SNED1: variants seen among roughly 807,000 people sequenced by gnomAD.
The protein encoded by SNED1 is sushi, nidogen and EGF like domains 1.
Under a neutral mutation model 166.7 loss-of-function variants are expected in SNED1, and 81 were observed. The ratio of observed to expected loss-of-function variants is 0.49; its 90% confidence interval spans 0.41 to 0.58. The LOEUF is 0.58. Among genes scored for constraint, SNED1 ranks in the 20% least tolerant of loss-of-function variants. The probability of loss-of-function intolerance (pLI) is 0.00; values close to 1 mark genes in which losing one functional copy is unlikely to be tolerated. For missense variants in SNED1, 1,604 were observed against 2,000.2 expected (o/e 0.80, Z 3.78); for synonymous variants, 762 against 822.0 (o/e 0.93, Z 1.25).
chr2:241,090,428 T>C (rs780345364), intron 31 of SNED1: 22 of 1,547,228 alleles, frequency 1.4e-5, no homozygotes, highest in Non-Finnish European at 1.9e-5. Context: ...TAACTTTTTT[T>C]CATAAGTAGA....
chr2:241,025,374 C>G (rs1316024397), intron 1 of SNED1, among the ~76,000 whole-genome samples: 2 of 152,148 alleles, frequency 1.3e-5, no homozygotes, highest in Non-Finnish European at 2.9e-5. Flanking sequence ...GACCACTGCC[C>G]TAGACAACAC....
intron 1 of SNED1, chr2:241,015,783 T>C (rs2060564757): frequency 6.3e-6 from 1 of 158,002 alleles, no homozygotes; most frequent in Admixed American, 6.5e-5. Context: ...CTCCCGTGAA[T>C]CGTCTCATAG....
At chr2:241,012,825 C>CTTTTTTTTTT (rs59199140) in intron 1 of SNED1, among the ~76,000 whole-genome samples, 1 of 134,876 alleles carries the variant, frequency 7.4e-6, no homozygotes, top group Non-Finnish European at 1.6e-5. Context: ...TTTTTTTTTT[C>CTTTTTTTTTT]TTTTTTTTTT....
rs1365384114 is a variant in SNED1 at position 241,068,214 on chromosome 2, C to T, written c.3194+267C>T. ...AAGAGCAGGAAAAGCTCAGAAAATCCGGGGGCACACTTTCCACACAGATCA... is the reference window on the plus strand; with the variant it reads ...AAGAGCAGGAAAAGCTCAGAAAATCTGGGGGCACACTTTCCACACAGATCA... On this transcript the variant is annotated intron_variant, in intron 22 of 31. Coordinates refer to ENST00000310397, the MANE Select transcript of SNED1 (RefSeq NM_001080437.3). This position sits in a 1 kb window ranked among gnomAD's most constrained non-coding sequence, Gnocchi z 5.3. Among the ~76,000 whole-genome samples, 1 of 152,096 alleles carries T rather than the reference C, an allele frequency of 6.6e-6. No homozygotes were observed. Among genetic ancestry groups the T allele is most frequent in the African/African-American group, 2.4e-5 (1 of 41,418 alleles).
At chr2:241,082,597 C>T (rs1281166721) in intron 29 of SNED1, among the ~76,000 whole-genome samples, 2 of 152,338 alleles carry the variant, frequency 1.3e-5, no homozygotes, top group East Asian at 1.9e-4. Context: ...GAGAAGAACG[C>T]AGGCTCCTGG....
chr2:241,065,882 G>A (rs938563177), intron 21 of SNED1, among the ~76,000 whole-genome samples: 3 of 151,888 alleles, frequency 2.0e-5, no homozygotes, highest in African/African-American at 7.2e-5. Flanking sequence ...TGGGACTGGG[G>A]AGGAATGGGG....
At chr2:241,047,992 T>C (rs977570652) in intron 8 of SNED1, among the ~76,000 whole-genome samples, 5 of 150,668 alleles carry the variant, frequency 3.3e-5, no homozygotes, top group Middle Eastern at 3.5e-3. Context: ...TGGTGCTTCT[T>C]GTTCTGTCCA....
At chr2:241,084,010 C>CTGGT (rs1361442263) in intron 29 of SNED1, among the ~76,000 whole-genome samples, 1 of 151,842 alleles carries the variant, frequency 6.6e-6, no homozygotes, top group African/African-American at 2.4e-5. Context: ...TATGGGCTTA[C>CTGGT]TGGTTATACT....
At chr2:241,015,204 A>G (rs2060542378) in intron 1 of SNED1, among the ~76,000 whole-genome samples, 2 of 152,218 alleles carry the variant, frequency 1.3e-5, no homozygotes, top group Non-Finnish European at 2.9e-5. Context: ...AATGTGAGGA[A>G]AACTGATACC....
chr2:241,030,430 G>A lies in SNED1; in HGVS notation c.360G>A (p.Glu120=). 1 of 1,613,584 alleles carries A rather than the reference G, an allele frequency of 6.2e-7. No individual in the cohort carries two copies. The highest frequency in any genetic ancestry group is 8.5e-7 in the Non-Finnish European group (1 of 1,179,820). The change falls in exon 2 of 32, where the codon GAG becomes GAA. Residue 120 remains glutamate (E), a synonymous_variant. Transcript: ENST00000310397. ...GTGCAGGCGACGTGTACTACCGGGA[G>A]GCCACCGACCCAGCCATGCTGCGCC... The part of the protein sequence containing the change: ...NRRAGDVYYR[E]ATDPAMLRRA...
intron 1 of SNED1, chr2:241,016,137 T>C (rs141335989): frequency 3.3e-5 from 5 of 152,154 alleles, no homozygotes; most frequent in African/African-American, 1.2e-4. Flanking sequence ...ATTGGTTTTC[T>C]GATGTAAAGC....
chr2:241,049,041 C>A lies in SNED1; in HGVS notation c.1524C>A (p.Cys508Ter). ...LCEFEITAMP[C>*]NMNTQCPDGG... ...CTCTAGAAATCACAGCCATGCCCTG[C>A]AACATGAACACACAGTGCCCAGATG... Residue 508 changes from cysteine (C) to a stop codon, truncating the protein, a stop_gained, in exon 11 of 32, where the codon TGC (cysteine) becomes TGA (stop). Coordinates refer to ENST00000310397, the MANE Select transcript of SNED1 (RefSeq NM_001080437.3). LOFTEE classifies it high-confidence loss of function. 1 of 1,613,114 alleles carries A rather than the reference C, an allele frequency of 6.2e-7. No individual in the cohort carries two copies. Among genetic ancestry groups the A allele is most frequent in the Non-Finnish European group, 8.5e-7 (1 of 1,179,422 alleles).
At chr2:241,001,053 G>C (rs892793193) in intron 1 of SNED1, among the ~76,000 whole-genome samples, 2 of 152,204 alleles carry the variant, frequency 1.3e-5, no homozygotes, top group Non-Finnish European at 1.5e-5. Flanking sequence ...CAGGCCGAGC[G>C]GACCCTCTTC....
rs766728986 is a variant in SNED1, at chr2:241,034,578, A to G, written c.653A>G (p.Asn218Ser). The G allele has an allele frequency of 1.9e-6, 3 of 1,599,726 alleles. No homozygotes were observed. Among genetic ancestry groups the G allele is most frequent in the African/African-American group, 1.3e-5 (1 of 74,816 alleles). The change falls in exon 4 of 32, where the codon AAC becomes AGC. Residue 218 changes from asparagine (N) to serine (S), a missense_variant. Transcript: ENST00000310397. ...LGGIAAQAGFNAGDGQRYFSI... is the reference protein window; with the variant it reads ...LGGIAAQAGFSAGDGQRYFSI... ...CCACCCCACCCCCAGGCTGGCTTCA[A>G]CGCAGGCGATGGGCAGCGTTACTTC...
At chr2:241,088,100 T>C (rs1486098817) in intron 30 of SNED1, 2 of 495,424 alleles carry the variant, frequency 4.0e-6, no homozygotes, top group African/African-American at 3.9e-5. Context: ...GCTTGCTTTC[T>C]CCCACGTCCA....
chr2:241,019,191 T>A (rs1205274902), intron 1 of SNED1, among the ~76,000 whole-genome samples: 1 of 151,732 alleles, frequency 6.6e-6, no homozygotes, highest in East Asian at 1.9e-4. Flanking sequence ...ATGCCCATGG[T>A]GTGTGGACCA....
intron 6 of SNED1, among the ~76,000 whole-genome samples, chr2:241,038,853 T>G (rs984691890): frequency 6.6e-6 from 1 of 152,288 alleles, no homozygotes; most frequent in East Asian, 1.9e-4. Flanking sequence ...AGGCCTATGA[T>G]GAGGGTCCCC....
chr2:241,089,837 T>C (rs2063797430), intron 31 of SNED1: 19 of 1,376,352 alleles, frequency 1.4e-5, no homozygotes, highest in Non-Finnish European at 1.8e-5. Context: ...CTAGGCTGTG[T>C]GGCAGAGCCC....
chr2:241,065,089 G>T, intron 20 of SNED1, 132 bp downstream of exon 20: 2 of 831,558 alleles, frequency 2.4e-6, no homozygotes, highest in Admixed American at 2.9e-5. Flanking sequence ...ACAGGGAGGG[G>T]ATAAAATCCC....
Sources: allele counts gnomAD v4.1 joint callset (sites outside exome capture counted in the v4.1 genomes callset), GRCh38; gene constraint gnomAD v4.1.1; non-coding constraint Gnocchi (gnomAD v3.1); transcripts MANE v1.5; gene names NCBI Gene and HGNC (gene_info 2026-07-23, HGNC 2026-07-21).